Variants in F5 observed in about 807,000 individuals in gnomAD.
F5 encodes the protein activated protein c cofactor.
A neutral mutation model predicts 216.4 loss-of-function variants in F5; 138 were observed. The ratio of observed to expected loss-of-function variants is 0.64; its 90% confidence interval spans 0.56 to 0.73. F5 has a LOEUF of 0.73. Among genes scored for constraint, F5 ranks in the 30% least tolerant of loss-of-function variants. F5 has a pLI of 0.00. For synonymous variants in F5, 916 were observed against 930.7 expected (o/e 0.98, Z 0.29); for missense variants, 2,403 against 2,674.0 (o/e 0.90, Z 2.24).
chr1:169,585,519 G>T (rs1225263267), intron 1 of F5, among the ~76,000 whole-genome samples: 1 of 152,048 alleles, frequency 6.6e-6, no homozygotes, highest in African/African-American at 2.4e-5. Flanking sequence ...AAAATAGTTT[G>T]CAACTCAAGG....
chr1:169,573,908 T>C (rs2101841102), intron 2 of F5, among the ~76,000 whole-genome samples: 1 of 152,250 alleles, frequency 6.6e-6, no homozygotes, highest in South Asian at 2.1e-4. Context: ...TAGTCAGCCC[T>C]CCATGACCAT....
At chr1:169,561,419 C>T (rs1660483998) in intron 3 of F5, among the ~76,000 whole-genome samples, 1 of 152,088 alleles carries the variant, frequency 6.6e-6, no homozygotes, top group Non-Finnish European at 1.5e-5. Context: ...ATTAACACCT[C>T]CATGTATATT....
intron 6 of F5, 42 bp downstream of exon 6, chr1:169,556,604 G>A: frequency 6.3e-7 from 1 of 1,592,936 alleles, no homozygotes; most frequent in African/African-American, 1.3e-5. Flanking sequence ...GGGAAGAAAG[G>A]ATTCTGCATT....
At chr1:169,570,372 C>G (rs1028593623) in intron 3 of F5, among the ~76,000 whole-genome samples, 1 of 152,076 alleles carries the variant, frequency 6.6e-6, no homozygotes, top group Non-Finnish European at 1.5e-5. Flanking sequence ...AGGTTTCTCC[C>G]CCTTCTTCTT....
At chr1:169,521,644 C>T (rs543146539) in intron 21 of F5, among the ~76,000 whole-genome samples, 4 of 74,466 alleles carry the variant, frequency 5.4e-5, no homozygotes, top group Admixed American at 2.0e-4. Context: ...TTTTTTGAGA[C>T]GGAGTCTCAC....
In F5 at chr1:169,565,030, T is replaced by C. The variant is rs577902965; in HGVS notation, c.374-4264A>G. ...TTTTCTCTTGTTTACTATGGGCTCC[T>C]TGTCCCTTGGGTCCCCTGTCAGTTC... On this transcript the variant is annotated intron_variant, in intron 3 of 24. Transcript: ENST00000367797. Among the ~76,000 whole-genome samples, 19 of 152,190 alleles carry C rather than the reference T, an allele frequency of 1.2e-4. No homozygotes were observed. The East Asian group carries it at 3.5e-3, about 28-fold the overall frequency.
At position 169,529,771 on chromosome 1, in the gene F5, T is replaced by G. The variant is rs1181959892; in HGVS notation, c.5256A>C (p.Gln1752His). The change falls in exon 16 of 25, where the codon CAA becomes CAC. Residue 1752 changes from glutamine (Q) to histidine (H), a missense_variant. Gln to His is a conservative substitution (Grantham distance 24). Coordinates refer to ENST00000367797, the MANE Select transcript of F5 (RefSeq NM_000130.5). ...SGLIGPLLIC[Q>H]KGILHKDSNM... ...TGCTGTCCTTATGTAGTATTCCTTT[T>G]TGGCAGATTAGGAGGGGACCTATCA... is the stretch of plus-strand genomic sequence containing the variant. 1.9e-6 allele frequency: 3 copies of G among 1,613,766 alleles called. No individual in the cohort carries two copies. Among genetic ancestry groups the G allele is most frequent in the Non-Finnish European group, 2.5e-6 (3 of 1,179,754 alleles).
At position 169,512,452 on chromosome 1, in the gene F5, AT is replaced by A. The variant is rs1355594422; in HGVS notation, c.*1860del. ...TTGTGGGGCTCATTGAAAAATGGAA[AT>A]GTCGAATTCCTTCTTAAAAAATAAA... On this transcript the variant is annotated 3_prime_UTR_variant, in exon 25 of 25. Coordinates refer to ENST00000367797, the MANE Select transcript of F5 (RefSeq NM_000130.5). 8.5e-5 allele frequency among the ~76,000 whole-genome samples: 13 copies of A among 152,060 alleles called. No individual in the cohort carries two copies. The highest frequency in any genetic ancestry group is 1.6e-4 in the Non-Finnish European group (11 of 67,966).
chr1:169,523,684 C>T, intron 20 of F5, 117 bp downstream of exon 20: 1 of 973,572 alleles, frequency 1.0e-6, no homozygotes. Context: ...GTGCCTCACA[C>T]TTAGTACTTG....
chr1:169,535,708 TC>T (rs1373759441), intron 14 of F5, among the ~76,000 whole-genome samples: 1 of 152,166 alleles, frequency 6.6e-6, no homozygotes, highest in Non-Finnish European at 1.5e-5. Flanking sequence ...TGAAAAAGGA[TC>T]CCCTAATCAT....
At chr1:169,564,163 G>A (rs527254990) in intron 3 of F5, among the ~76,000 whole-genome samples, 10 of 152,100 alleles carry the variant, frequency 6.6e-5, no homozygotes, top group South Asian at 6.2e-4. Flanking sequence ...GAACATAAAC[G>A]ATTACCGGCC....
intron 15 of F5, 61 bp from the exon 16 acceptor site, chr1:169,529,879 A>G: frequency 3.7e-6 from 5 of 1,366,870 alleles, no homozygotes; most frequent in South Asian, 1.2e-5. Flanking sequence ...TCTTCTGATA[A>G]TCACTCATCA....
At chr1:169,582,838 A>G (rs967657457) in intron 1 of F5, among the ~76,000 whole-genome samples, 1 of 152,234 alleles carries the variant, frequency 6.6e-6, no homozygotes, top group African/African-American at 2.4e-5. Flanking sequence ...TTTAGATTTT[A>G]TATGATTAAA....
intron 23 of F5, among the ~76,000 whole-genome samples, chr1:169,517,070 A>G (rs1173200435): frequency 1.3e-5 from 2 of 152,192 alleles, no homozygotes; most frequent in Admixed American, 6.5e-5. Flanking sequence ...AATTATATAA[A>G]TGTAATATAA....
Position 169,552,602 on chromosome 1 carries a change from C to G in F5, c.1251G>C (p.Gly417=). Residue 417 remains glycine (G), a synonymous_variant, in exon 8 of 25, where the codon GGG becomes GGC. Coordinates refer to ENST00000367797, the MANE Select transcript of F5 (RefSeq NM_000130.5). The part of the protein sequence containing the change: ...HTVNPNMKED[G]ILGPIIRAQV... ...GGGCTCTGATAATAGGACCCAAAAT[C>G]CCATCTTCTTTCATATTGGGATTCA... The G allele has an allele frequency of 6.2e-7, 1 of 1,613,744 alleles. No individual in the cohort carries two copies. Among genetic ancestry groups the G allele is most frequent in the South Asian group, 1.1e-5 (1 of 91,060 alleles).
At chr1:169,557,040 GTGA>G (rs1330107963) in intron 5 of F5, among the ~76,000 whole-genome samples, 173 bp from the exon 6 acceptor site, 1 of 152,156 alleles carries the variant, frequency 6.6e-6, no homozygotes, top group African/African-American at 2.4e-5. Context: ...AGACATCTGA[GTGA>G]CCAGCAAACA....
rs532102960 is a variant in F5, at chr1:169,559,910, T to C, written c.587-614A>G. On this transcript the variant is annotated intron_variant, in intron 4 of 24. Transcript: ENST00000367797. The stretch of plus-strand genomic sequence containing the variant: ...TAGGTATGGCCTGAGCGTGTATGTA[T>C]AGGCAGATGGTGAGTCCATCACGTT... 6.7e-3 allele frequency among the ~76,000 whole-genome samples: 1,025 copies of C among 152,018 alleles called. 14 individuals carry two copies. The highest frequency in any genetic ancestry group is 0.024 in the African/African-American group (990 of 41,412).
In F5 at chr1:169,518,416, G is replaced by A. The variant is rs879214285; in HGVS notation, c.6341C>T (p.Ala2114Val). The change falls in exon 23 of 25, where the codon GCC becomes GTC. Residue 2114 changes from alanine to valine, a missense_variant. This residue lies in a region of F5 where 659 missense variants were observed against 787.9 expected (regional missense o/e 0.84). Transcript: ENST00000367797. ...NAQGRVNAWQAKANNNKQWLE... is the reference protein window; with the variant it reads ...NAQGRVNAWQVKANNNKQWLE... ...CATGCATAGAGTATACTTGACCTTGGCTTGCCAGGCATTCACACGTCCCTG... is the reference window on the plus strand; with the variant it reads ...CATGCATAGAGTATACTTGACCTTGACTTGCCAGGCATTCACACGTCCCTG... 1 of 1,613,540 alleles carries A rather than the reference G, an allele frequency of 6.2e-7. No individual in the cohort carries two copies. Among genetic ancestry groups the A allele is most frequent in the South Asian group, 1.1e-5 (1 of 91,058 alleles).
chr1:169,555,933 G>T (rs9332581), intron 6 of F5, among the ~76,000 whole-genome samples: 12,284 of 151,972 alleles, frequency 0.081, 1,652 homozygotes, highest in East Asian at 0.65. Context: ...TATATGTGTT[G>T]CTTATACATT....
Sources: allele counts gnomAD v4.1 joint callset (sites outside exome capture counted in the v4.1 genomes callset), GRCh38; gene constraint gnomAD v4.1.1; regional missense constraint gnomAD v4.1.1; transcripts MANE v1.5; gene names NCBI Gene and HGNC (gene_info 2026-07-23, HGNC 2026-07-21).